KCNG3: variants seen among roughly 807,000 people sequenced by gnomAD.
KCNG3 encodes potassium voltage-gated channel modifier subfamily G member 3, also known as voltage-gated potassium channel regulatory subunit KCNG3.
In KCNG3, 15 loss-of-function variants were observed where a neutral mutation model predicts 29.0. The ratio of observed to expected loss-of-function variants is 0.52; its 90% confidence interval spans 0.35 to 0.80. The LOEUF is 0.80. Among genes scored for constraint, KCNG3 ranks in the 30% least tolerant of loss-of-function variants. The pLI is 0.01. For missense variants in KCNG3, 512 were observed against 605.7 expected, an observed-to-expected ratio of 0.85 and a Z score of 1.62; for synonymous variants, 322 against 248.9, an observed-to-expected ratio of 1.29 and a Z score of -2.76.
At chr2:42,389,401 T>C in the KCNG3 span, among the ~76,000 whole-genome samples, 4 of 152,160 alleles carry the variant, frequency 2.6e-5, no homozygotes, top group Non-Finnish European at 4.4e-5. Context: ...TTACTCAGAG[T>C]GCTGAAAGAA....
Position 42,493,617 on chromosome 2 carries a change from C to G in KCNG3, c.-116G>C. 2.1e-6 allele frequency: 2 copies of G among 945,026 alleles called. No individual in the cohort carries two copies. The highest frequency in any genetic ancestry group is 4.4e-5 in the Admixed American group (1 of 22,684). The allele number at this position is 945,026 out of a possible 1,614,324, so 58.5% of individuals were successfully genotyped here. Reference sequence around the variant, plus strand: ...CGGGGGAGCGCGCCGTCGGGGCCCGCGCTCCCTCGGGGCTCCGCTCCTGCC... The same window carrying G: ...CGGGGGAGCGCGCCGTCGGGGCCCGGGCTCCCTCGGGGCTCCGCTCCTGCC... On this transcript the variant is annotated 5_prime_UTR_variant, in exon 1 of 2. Coordinates refer to ENST00000306078, the MANE Select transcript of KCNG3 (RefSeq NM_133329.6).
the KCNG3 span, among the ~76,000 whole-genome samples, chr2:42,391,846 C>G: frequency 6.6e-6 from 1 of 151,808 alleles, no homozygotes; most frequent in South Asian, 2.1e-4. Context: ...TCGTGATCCG[C>G]CCGCCTCGGC....
the KCNG3 span, among the ~76,000 whole-genome samples, chr2:42,388,865 C>A: frequency 1.3e-5 from 2 of 151,974 alleles, no homozygotes; most frequent in South Asian, 2.1e-4. Flanking sequence ...CTTCTAAGCA[C>A]ATAATTTTTT....
chr2:42,404,298 AAGG>A, the KCNG3 span, among the ~76,000 whole-genome samples: 1 of 138,082 alleles, frequency 7.2e-6, no homozygotes, highest in East Asian at 2.9e-4. Context: ...TGCCTGATAC[AAGG>A]AAGAAGAACC....
the KCNG3 span, among the ~76,000 whole-genome samples, chr2:42,395,264 G>C: frequency 6.6e-6 from 1 of 152,158 alleles, no homozygotes; most frequent in Non-Finnish European, 1.5e-5. Flanking sequence ...GATTTAGGCA[G>C]TTCCAAGAAA....
At chr2:42,417,599 G>T in the KCNG3 span, among the ~76,000 whole-genome samples, 1 of 152,156 alleles carries the variant, frequency 6.6e-6, no homozygotes, top group South Asian at 2.1e-4. Context: ...TGGGACTACA[G>T]GCGTGAGCCA....
intron 1 of KCNG3, among the ~76,000 whole-genome samples, chr2:42,453,857 C>T (rs1672819872): frequency 2.0e-5 from 3 of 152,084 alleles, no homozygotes; most frequent in Admixed American, 1.3e-4. Flanking sequence ...AGATTTATGT[C>T]ATTAATCCAG....
At chr2:42,484,517 T>C (rs765100458) in intron 1 of KCNG3, among the ~76,000 whole-genome samples, 17 of 152,148 alleles carry the variant, frequency 1.1e-4, no homozygotes, top group Non-Finnish European at 1.9e-4. Context: ...TGTATATATA[T>C]GTAATTGTAT....
At chr2:42,476,208 A>T (rs576578446) in intron 1 of KCNG3, among the ~76,000 whole-genome samples, 1 of 152,064 alleles carries the variant, frequency 6.6e-6, no homozygotes, top group Non-Finnish European at 1.5e-5. Flanking sequence ...GCAGTGACTC[A>T]AACCTGTTAT....
chr2:42,444,395 C>T lies in KCNG3; in HGVS notation c.850G>A (p.Ala284Thr). The T allele has an allele frequency of 6.2e-7, 1 of 1,613,942 alleles. No homozygotes were observed. The highest frequency in any genetic ancestry group is 8.5e-7 in the Non-Finnish European group (1 of 1,179,826). The change falls in exon 2 of 2, where the codon GCT becomes ACT. Residue 284 changes from alanine to threonine, a missense_variant. Physicochemically the swap from Ala to Thr is moderately conservative, Grantham distance 58. This residue lies in a region of KCNG3 where 173 missense variants were observed against 262.4 expected (regional missense o/e 0.66). Transcript: ENST00000306078. The surrounding 1 kb of genome is among the most constrained non-coding windows in gnomAD (Gnocchi z 5.8). ...CTAAGTACCCTCAAGGTGACTCCAG[C>T]CCTCTGGAGTTGAGAGTTCTCGCCT... is the stretch of plus-strand genomic sequence containing the variant. ...FTGENSQLQRAGVTLRVLRMM... is the reference protein window; with the variant it reads ...FTGENSQLQRTGVTLRVLRMM...
chr2:42,477,512 C>T (rs1391056957), intron 1 of KCNG3, among the ~76,000 whole-genome samples: 1 of 148,622 alleles, frequency 6.7e-6, no homozygotes, highest in East Asian at 2.1e-4. Flanking sequence ...ACTGCAACCT[C>T]CACCTCCCGG....
chr2:42,476,368 T>C (rs960246844), intron 1 of KCNG3, among the ~76,000 whole-genome samples: 4 of 151,874 alleles, frequency 2.6e-5, no homozygotes, highest in Admixed American at 2.0e-4. Flanking sequence ...TCTCAGCTAC[T>C]TGAGAGGCTG....
At chr2:42,461,290 CAG>C (rs1318961275) in intron 1 of KCNG3, among the ~76,000 whole-genome samples, 1 of 149,022 alleles carries the variant, frequency 6.7e-6, no homozygotes, top group African/African-American at 2.5e-5. Flanking sequence ...TACGCTCTAA[CAG>C]AGGACTTGGG....
chr2:42,466,554 T>C (rs1673145230), intron 1 of KCNG3, among the ~76,000 whole-genome samples: 3 of 152,300 alleles, frequency 2.0e-5, no homozygotes, highest in East Asian at 1.9e-4. Flanking sequence ...TGGTGAAGTA[T>C]GTAGCAGGCA....
chr2:42,453,232 G>A (rs537782075), intron 1 of KCNG3, among the ~76,000 whole-genome samples: 1 of 152,302 alleles, frequency 6.6e-6, no homozygotes, highest in South Asian at 2.1e-4. Flanking sequence ...GGGATTGCTG[G>A]ATCATATGGT....
At chr2:42,423,209 A>G in the KCNG3 span, among the ~76,000 whole-genome samples, 1 of 152,134 alleles carries the variant, frequency 6.6e-6, no homozygotes, top group African/African-American at 2.4e-5. Flanking sequence ...TCTCTCTCTC[A>G]TTATTGCTAC....
chr2:42,460,569 T>A (rs932088850), intron 1 of KCNG3, among the ~76,000 whole-genome samples: 4 of 152,180 alleles, frequency 2.6e-5, no homozygotes, highest in Non-Finnish European at 5.9e-5. Flanking sequence ...TAAGTTTTTC[T>A]TCATCTGGGA....
rs1673983360 is a variant in KCNG3, at chr2:42,493,656, G to C, written c.-155C>G. ...TCCGCTCCTGCCCTCCGCTGGCCCG[G>C]GGGTCCCTGGGCTCGAGTATCTCCG... On this transcript the variant is annotated 5_prime_UTR_variant, in exon 1 of 2. Transcript: ENST00000306078. 1.5e-5 allele frequency: 8 copies of C among 534,302 alleles called. 1 individual carries two copies. The South Asian group carries it at 7.9e-4, about 53-fold the overall frequency. 33.1% of individuals were successfully genotyped at this position (534,302 alleles called of 1,614,324 possible).
the KCNG3 span, among the ~76,000 whole-genome samples, chr2:42,394,342 A>C: frequency 6.6e-6 from 1 of 152,184 alleles, no homozygotes; most frequent in Non-Finnish European, 1.5e-5. Flanking sequence ...CTAAGGGTGG[A>C]TATCAGGCTT....
Sources: gnomAD v4.1 joint callset for allele counts (sites outside exome capture counted in the v4.1 genomes callset) on GRCh38, gnomAD v4.1.1 for gene constraint, gnomAD v4.1.1 regional missense constraint, Gnocchi (gnomAD v3.1) non-coding constraint, MANE v1.5 for transcripts, NCBI Gene and HGNC (gene_info 2026-07-23, HGNC 2026-07-21) for gene names.